Variants in ADTRP observed in about 807,000 individuals in gnomAD.
The protein encoded by ADTRP is androgen-dependent TFPI-regulating protein.
ADTRP carries 20 observed loss-of-function variants against 27.0 expected under a neutral mutation model. That is an observed-to-expected ratio of 0.74 (90% CI 0.52 to 1.08). The LOEUF is 1.08. Among genes scored for constraint, ADTRP ranks in the 50% least tolerant of loss-of-function variants. The probability of loss-of-function intolerance (pLI) is 0.00; values close to 1 mark genes in which losing one functional copy is unlikely to be tolerated. For missense variants in ADTRP, 251 were observed against 275.0 expected, an observed-to-expected ratio of 0.91 and a Z score of 0.62; for synonymous variants, 101 against 105.2, an observed-to-expected ratio of 0.96 and a Z score of 0.25.
At chr6:11,750,356 T>C (rs1230759879) in intron 3 of ADTRP, among the ~76,000 whole-genome samples, 3 of 152,244 alleles carry the variant, frequency 2.0e-5, no homozygotes, top group Non-Finnish European at 4.4e-5. Context: ...GGTAGTTCTG[T>C]AGGCTTGTGT....
At chr6:11,763,631 A>G (rs911557297) in intron 3 of ADTRP, among the ~76,000 whole-genome samples, 19 of 152,224 alleles carry the variant, frequency 1.2e-4, no homozygotes, top group African/African-American at 4.6e-4. Flanking sequence ...TGTCATGGAC[A>G]GGCACTGGCA....
chr6:11,771,000 G>A (rs1385775658), intron 1 of ADTRP, among the ~76,000 whole-genome samples: 2 of 152,226 alleles, frequency 1.3e-5, no homozygotes, highest in Non-Finnish European at 2.9e-5. Context: ...GGCGTGTGAA[G>A]TCCATGTGAC....
At chr6:11,736,972 T>A (rs771644961) in intron 3 of ADTRP, among the ~76,000 whole-genome samples, 53 of 152,090 alleles carry the variant, frequency 3.5e-4, no homozygotes, top group Non-Finnish European at 7.3e-4. Context: ...ACCATCTGTT[T>A]TCTTACATCC....
rs1013065132 is a variant in ADTRP at position 11,726,550 on chromosome 6, C to T, written c.507-3050G>A. On this transcript the variant is annotated intron_variant, in intron 4 of 5. Coordinates refer to ENST00000414691, the MANE Select transcript of ADTRP (RefSeq NM_032744.4). ...TGTGAGGCAGCAGTAAGGCCCTTGTCGGCAGCCAGGGCCATGCCCTTGAAC... is the reference window on the plus strand; with the variant it reads ...TGTGAGGCAGCAGTAAGGCCCTTGTTGGCAGCCAGGGCCATGCCCTTGAAC... Among the ~76,000 whole-genome samples the T allele has an allele frequency of 5.9e-5, 9 of 152,168 alleles. No individual in the cohort carries two copies. The South Asian group carries it at 6.2e-4, about 11-fold the overall frequency.
chr6:11,759,059 C>T (rs1321053628), intron 3 of ADTRP, among the ~76,000 whole-genome samples: 1 of 152,154 alleles, frequency 6.6e-6, no homozygotes, highest in Non-Finnish European at 1.5e-5. Context: ...ATCCTGCTCA[C>T]CTGGCAGGGA....
At chr6:11,724,633 T>C (rs1762129073) in intron 4 of ADTRP, among the ~76,000 whole-genome samples, 1 of 152,184 alleles carries the variant, frequency 6.6e-6, no homozygotes, top group Admixed American at 6.5e-5. Context: ...CAGTTCATCA[T>C]TGGTTAGGAG....
chr6:11,770,039 A>G (rs1405771092), intron 1 of ADTRP: 2 of 1,551,596 alleles, frequency 1.3e-6, no homozygotes, highest in Non-Finnish European at 1.7e-6. Context: ...ACCTGCCTAA[A>G]GCTTCCTGGC....
intron 3 of ADTRP, among the ~76,000 whole-genome samples, chr6:11,742,573 G>C (rs181677829): frequency 1.6e-3 from 249 of 152,302 alleles, no homozygotes; most frequent in South Asian, 2.5e-3. Context: ...TTGTTTTTCA[G>C]AGAAATTAAA....
chr6:11,755,186 G>T, intron 3 of ADTRP: 1 of 519,302 alleles, frequency 1.9e-6, no homozygotes, highest in Non-Finnish European at 2.5e-6. Flanking sequence ...AAAATTCCTA[G>T]TAACTTCTCA....
At chr6:11,735,321 G>T (rs767321319) in intron 4 of ADTRP, among the ~76,000 whole-genome samples, 12 of 152,080 alleles carry the variant, frequency 7.9e-5, no homozygotes, top group Non-Finnish European at 1.6e-4. Flanking sequence ...AATTCTTCAC[G>T]AGAGAGAGAG....
intron 1 of ADTRP, among the ~76,000 whole-genome samples, chr6:11,772,219 C>T (rs1012448617): frequency 1.3e-5 from 2 of 152,152 alleles, no homozygotes; most frequent in Non-Finnish European, 1.5e-5. Flanking sequence ...CTGCGTGTTC[C>T]GTGCCTTTTC....
At chr6:11,729,768 T>G (rs1275316602) in intron 4 of ADTRP, among the ~76,000 whole-genome samples, 1 of 152,206 alleles carries the variant, frequency 6.6e-6, no homozygotes, top group African/African-American at 2.4e-5. Flanking sequence ...CCAGAGTATT[T>G]TTGAAATGAG....
intron 3 of ADTRP, among the ~76,000 whole-genome samples, chr6:11,741,030 A>G (rs998570180): frequency 9.9e-5 from 15 of 152,180 alleles, no homozygotes; most frequent in African/African-American, 3.6e-4. Context: ...CTAGGAACTC[A>G]AGTGCACAGG....
At chr6:11,751,773 G>T (rs533630644) in intron 3 of ADTRP, among the ~76,000 whole-genome samples, 1 of 152,296 alleles carries the variant, frequency 6.6e-6, no homozygotes, top group South Asian at 2.1e-4. Flanking sequence ...GCTCTAGTGT[G>T]TCCGAAAATG....
chr6:11,753,169 A>G (rs566677527), intron 3 of ADTRP, among the ~76,000 whole-genome samples: 2 of 152,342 alleles, frequency 1.3e-5, no homozygotes, highest in East Asian at 3.9e-4. Context: ...TACAACTTGG[A>G]CATAGAGCTA....
intron 4 of ADTRP, among the ~76,000 whole-genome samples, chr6:11,726,915 G>T (rs1410515627): frequency 1.3e-5 from 2 of 152,190 alleles, no homozygotes; most frequent in Admixed American, 1.3e-4. Flanking sequence ...CCTCGCCTGG[G>T]CCCTGCTGGT....
intron 5 of ADTRP, among the ~76,000 whole-genome samples, chr6:11,718,736 A>G (rs9394268): frequency 0.17 from 26,310 of 152,188 alleles, 4,182 homozygotes; most frequent in East Asian, 0.63. Flanking sequence ...TGCTTGCCCA[A>G]CCCTCTGCCT....
chr6:11,763,118 T>A (rs2235394), intron 3 of ADTRP, among the ~76,000 whole-genome samples: 6 of 152,034 alleles, frequency 3.9e-5, no homozygotes, highest in East Asian at 1.9e-4. Flanking sequence ...AATATCTCAC[T>A]GATGTTTCTA....
chr6:11,772,125 G>A lies in ADTRP; in HGVS notation c.154-3742C>T, dbSNP rs369429876. Among the ~76,000 whole-genome samples, 5 of 152,230 alleles carry A rather than the reference G, an allele frequency of 3.3e-5. No individual in the cohort carries two copies. The East Asian group carries it at 7.7e-4, about 23-fold the overall frequency. ...CCGCCCAGAAAAGCCCAGACGTAAC[G>A]GCATCTACTTATTCTAAGTTTATTT... On this transcript the variant is annotated intron_variant, in intron 1 of 5. Transcript: ENST00000414691.
Sources: gnomAD v4.1 joint callset for allele counts (sites outside exome capture counted in the v4.1 genomes callset) on GRCh38, gnomAD v4.1.1 for gene constraint, MANE v1.5 for transcripts, NCBI Gene and HGNC (gene_info 2026-07-23, HGNC 2026-07-21) for gene names.